The following ELP6 variants were observed in gnomAD, a reference collection of about 807,000 sequenced individuals.
The protein encoded by ELP6 is elongator complex protein 6.
In ELP6, 23 loss-of-function variants were observed where a neutral mutation model predicts 28.1. The observed-to-expected ratio is 0.82, with a 90% CI of 0.59 to 1.16. ELP6 has a LOEUF of 1.16. ELP6 is among the 50% of genes most tolerant of loss of function. The pLI is 0.00. For synonymous variants in ELP6, 132 were observed against 135.8 expected (o/e 0.97, Z 0.19); for missense variants, 313 against 334.6 (o/e 0.94, Z 0.50).
At chr3:47,510,468 G>A (rs982812266) in intron 2 of ELP6, among the ~76,000 whole-genome samples, 2 of 152,060 alleles carry the variant, frequency 1.3e-5, no homozygotes, top group African/African-American at 4.8e-5. Flanking sequence ...GTTAGATGTA[G>A]TACTAGGTAC....
At chr3:47,504,568 CA>C in intron 3 of ELP6, 120 bp from the exon 4 acceptor site, 1 of 1,386,562 alleles carries the variant, frequency 7.2e-7, no homozygotes, top group South Asian at 1.7e-5. Context: ...TCTGATCACC[CA>C]ATGTACAGGC....
chr3:47,498,523 G>A, intron 5 of ELP6, 91 bp from the exon 6 acceptor site: 1 of 1,555,532 alleles, frequency 6.4e-7, no homozygotes, highest in Non-Finnish European at 8.7e-7. Flanking sequence ...CCACTCCCCT[G>A]TACATCCTCT....
At position 47,509,944 on chromosome 3, in the gene ELP6, T is replaced by C. The variant is rs1708966539; in HGVS notation, c.204+240A>G. On this transcript the variant is annotated intron_variant, in intron 3 of 6. Coordinates refer to ENST00000296149, the MANE Select transcript of ELP6 (RefSeq NM_001031703.3). Reference sequence around the variant, plus strand: ...GCCCAGCTAATTTTTGTATTTTTAGTAGAGATGGGGTTTCACCATGTTGGC... The same window carrying C: ...GCCCAGCTAATTTTTGTATTTTTAGCAGAGATGGGGTTTCACCATGTTGGC... 12 of 344,560 alleles carry C rather than the reference T, an allele frequency of 3.5e-5. 1 individual carries two copies. In the South Asian group the frequency reaches 6.9e-4, roughly 20 times the overall value. 21.3% of individuals were successfully genotyped at this position (344,560 alleles called of 1,614,324 possible).
intron 6 of ELP6, chr3:47,496,743 C>T (rs1421860012): frequency 1.0e-6 from 1 of 966,450 alleles, no homozygotes; most frequent in Non-Finnish European, 1.2e-6. Context: ...ATCCGCCCAC[C>T]TCGGCCTCCC....
chr3:47,510,089 G>A, intron 3 of ELP6, 95 bp downstream of exon 3: 1 of 1,060,660 alleles, frequency 9.4e-7, no homozygotes, highest in Non-Finnish European at 1.5e-6. Flanking sequence ...CTTTTGCTAA[G>A]TTCTGTACAA....
In ELP6 at chr3:47,496,106, G is replaced by C; in HGVS notation, c.764C>G (p.Ser255Cys). The C allele has an allele frequency of 6.2e-7, 1 of 1,614,164 alleles. No individual in the cohort carries two copies. Among genetic ancestry groups the C allele is most frequent in the Non-Finnish European group, 8.5e-7 (1 of 1,180,036 alleles). The change falls in exon 7 of 7, where the codon TCC (serine) becomes TGC (cysteine). Residue 255 changes from serine (S) to cysteine (C), a missense_variant. By Grantham distance (112) the Ser-to-Cys change is moderately radical. Transcript: ENST00000296149. Reference sequence around the variant, plus strand: ...AGGAGACATTCCTTTGGCAAAAAAGGACACGCTTTTGTCCTGTATCTTATA... The same window carrying C: ...AGGAGACATTCCTTTGGCAAAAAAGCACACGCTTTTGTCCTGTATCTTATA... ...YQYKIQDKSV[S>C]FFAKGMSPAV...
intron 5 of ELP6, among the ~76,000 whole-genome samples, chr3:47,500,562 AAAG>A (rs1433729342): frequency 6.6e-6 from 1 of 152,046 alleles, no homozygotes; most frequent in African/African-American, 2.4e-5. Context: ...TTTTCAACTA[AAAG>A]AAGTATTCTT....
At chr3:47,512,063 G>A (rs1709031396) in intron 1 of ELP6, 2 of 985,484 alleles carry the variant, frequency 2.0e-6, no homozygotes, top group African/African-American at 3.5e-5. Flanking sequence ...CTTTGGAAGT[G>A]CCAGTGGTAA....
chr3:47,504,623 A>G (rs188401341), intron 3 of ELP6, 175 bp from the exon 4 acceptor site: 5 of 985,354 alleles, frequency 5.1e-6, no homozygotes, highest in East Asian at 1.1e-4. Context: ...TAATGCCCCA[A>G]CTGTTTTCAG....
chr3:47,511,730 TTCACCC>T, intron 1 of ELP6: 1 of 887,070 alleles, frequency 1.1e-6, no homozygotes, highest in Non-Finnish European at 1.4e-6. Context: ...GATAACAAAG[TTCACCC>T]AATGGCCCTG....
At chr3:47,510,016 T>A in intron 3 of ELP6, 168 bp downstream of exon 3, 1 of 548,294 alleles carries the variant, frequency 1.8e-6, no homozygotes, top group Non-Finnish European at 3.2e-6. Flanking sequence ...CATCTTGGCC[T>A]CCCAAAGTGC....
chr3:47,499,806 TGCTGGGCTGTG>T, intron 5 of ELP6: 2 of 1,120,008 alleles, frequency 1.8e-6, no homozygotes, highest in South Asian at 4.1e-5. Flanking sequence ...GTTCTGTCCC[TGCTGGGCTGTG>T]GCCCCAGCTG....
intron 3 of ELP6, 83 bp downstream of exon 3, chr3:47,510,101 G>C: frequency 8.7e-7 from 1 of 1,152,230 alleles, no homozygotes; most frequent in Non-Finnish European, 1.3e-6. Flanking sequence ...TCTGTACAAT[G>C]CAAACAGGAA....
intron 6 of ELP6, chr3:47,496,683 C>T (rs1406635289): frequency 8.4e-6 from 6 of 716,416 alleles, no homozygotes; most frequent in South Asian, 6.3e-5. Context: ...TTAGTAGAGG[C>T]GGGGTTTCAC....
At chr3:47,503,128 G>C in intron 4 of ELP6, 1 of 1,114,106 alleles carries the variant, frequency 9.0e-7, no homozygotes, top group Non-Finnish European at 1.1e-6. Context: ...CCCATACCTT[G>C]GGATGAGGTA....
At chr3:47,497,860 G>A (rs1708523237) in intron 6 of ELP6, 1 of 648,666 alleles carries the variant, frequency 1.5e-6, no homozygotes, top group South Asian at 6.9e-5. Context: ...GAACCCAGGA[G>A]GCGGAGGTTG....
Position 47,495,757 on chromosome 3 carries a change from C to A in ELP6, c.*312G>T. The stretch of plus-strand genomic sequence containing the variant: ...CTATACCCACTCTGGCTCTGAAAGG[C>A]TTGTCAACCAAAAATGGGCAGCTGG... On this transcript the variant is annotated 3_prime_UTR_variant, in exon 7 of 7. Coordinates refer to ENST00000296149, the MANE Select transcript of ELP6 (RefSeq NM_001031703.3). 1 of 316,506 alleles carries A rather than the reference C, an allele frequency of 3.2e-6. No homozygotes were observed. The highest frequency in any genetic ancestry group is 5.9e-6 in the Non-Finnish European group (1 of 170,564). 19.6% of individuals were successfully genotyped at this position (316,506 alleles called of 1,614,324 possible). A position where few individuals can be genotyped will look rare whatever the true frequency, so the allele number is the denominator to read the frequency against.
intron 4 of ELP6, 144 bp downstream of exon 4, chr3:47,504,186 T>C: frequency 9.8e-7 from 1 of 1,018,012 alleles, no homozygotes; most frequent in Non-Finnish European, 1.4e-6. Flanking sequence ...CATTTGATGA[T>C]GCTGCAACAC....
At chr3:47,499,961 G>A in intron 5 of ELP6, 2 of 1,350,530 alleles carry the variant, frequency 1.5e-6, no homozygotes, top group Non-Finnish European at 9.8e-7. Context: ...GGTGGTGTCG[G>A]CCAAGTTTGA....
Sources: allele counts gnomAD v4.1 joint callset (sites outside exome capture counted in the v4.1 genomes callset), GRCh38; gene constraint gnomAD v4.1.1; transcripts MANE v1.5; gene names NCBI Gene and HGNC (gene_info 2026-07-23, HGNC 2026-07-21).